The following ETS2 variants were observed in gnomAD, a reference collection of about 807,000 sequenced individuals.
ETS2 encodes ETS proto-oncogene 2, transcription factor.
A neutral mutation model predicts 54.9 loss-of-function variants in ETS2; 19 were observed. That is an observed-to-expected ratio of 0.35 (90% CI 0.24 to 0.51). The LOEUF is 0.51. Ranked by LOEUF, ETS2 falls within the 20% of genes least tolerant of loss-of-function variation. ETS2 has a pLI of 0.97. For missense variants in ETS2, 417 were observed against 593.0 expected, an observed-to-expected ratio of 0.70 and a Z score of 3.08; for synonymous variants, 219 against 229.3, an observed-to-expected ratio of 0.95 and a Z score of 0.41.
intron 5 of ETS2, among the ~76,000 whole-genome samples, chr21:38,815,725 G>T (rs1234457741): frequency 6.6e-6 from 1 of 151,366 alleles, no homozygotes; most frequent in Non-Finnish European, 1.5e-5. Context: ...GAGGTTAGGA[G>T]TTCAAGACCA....
Position 38,806,981 on chromosome 21 carries a change from C to T in ETS2, c.-1+861C>T, listed in dbSNP as rs8132038. ...AGAAATGAGCAGTCCCCTTTGGAGA[C>T]AGGAGTAATTTATTTTAATTCGCCA... On this transcript the variant is annotated intron_variant, in intron 1 of 9. Coordinates refer to ENST00000360938, the MANE Select transcript of ETS2 (RefSeq NM_005239.6). This position sits in a 1 kb window ranked among gnomAD's most constrained non-coding sequence, Gnocchi z 4.3. 6.6e-6 allele frequency among the ~76,000 whole-genome samples: 1 copy of T among 152,156 alleles called. No individual in the cohort carries two copies. The highest frequency in any genetic ancestry group is 1.5e-5 in the Non-Finnish European group (1 of 68,034).
At position 38,814,418 on chromosome 21, in the gene ETS2, A is replaced by C. The variant is rs1169632075; in HGVS notation, c.304+26A>C. ...GTAAGTACTGCTTTCCTGAGCCTGC[A>C]CTGGGTGAGAAGAACCAACTTCAGT... On this transcript the variant is annotated intron_variant, in intron 4 of 9. Coordinates refer to ENST00000360938, the MANE Select transcript of ETS2 (RefSeq NM_005239.6). The surrounding 1 kb of genome is among the most constrained non-coding windows in gnomAD (Gnocchi z 4.2). 1.2e-6 allele frequency: 2 copies of C among 1,612,692 alleles called. No homozygotes were observed. Among genetic ancestry groups the C allele is most frequent in the South Asian group, 1.1e-5 (1 of 90,892 alleles).
Position 38,822,962 on chromosome 21 carries a change from C to A in ETS2, c.*73C>A. On this transcript the variant is annotated 3_prime_UTR_variant, in exon 10 of 10. Coordinates refer to ENST00000360938, the MANE Select transcript of ETS2 (RefSeq NM_005239.6). ...GGAAGCCCATCCTGACCAGCTGCTC[C>A]GAGGACCCAGGAAAGGCAGGATTGA... 8.2e-7 allele frequency: 1 copy of A among 1,212,544 alleles called. No individual in the cohort carries two copies. Among genetic ancestry groups the A allele is most frequent in the Non-Finnish European group, 1.1e-6 (1 of 895,464 alleles). 75.1% of individuals were successfully genotyped at this position (1,212,544 alleles called of 1,614,324 possible).
chr21:38,812,114 A>G, intron 2 of ETS2, among the ~76,000 whole-genome samples: 1 of 152,252 alleles, frequency 6.6e-6, no homozygotes, highest in Non-Finnish European at 1.5e-5. Context: ...AAACCATTGG[A>G]ATTGATGTGG....
intron 3 of ETS2, among the ~76,000 whole-genome samples, chr21:38,813,683 C>CA (rs2060922068): frequency 6.6e-6 from 1 of 152,308 alleles, no homozygotes; most frequent in East Asian, 1.9e-4. Context: ...ATGACTGTGT[C>CA]ATGTGAAGTA....
chr21:38,805,571 A>C (rs1464827216), upstream of ETS2: 5 of 1,279,320 alleles, frequency 3.9e-6, 1 homozygote, highest in Non-Finnish European at 4.1e-6. The surrounding 1 kb of genome is among the most constrained non-coding windows in gnomAD (Gnocchi z 5.2). Context: ...CCTCAGGGCC[A>C]GCCGGCGAGG....
At chr21:38,817,197 C>T (rs1296406764) in intron 6 of ETS2, 106 bp downstream of exon 6, 3 of 696,422 alleles carry the variant, frequency 4.3e-6, no homozygotes, top group Non-Finnish European at 7.5e-6. Flanking sequence ...ACCTGTGTGT[C>T]TCTTATGGTG....
chr21:38,816,784 T>C (rs2060937156), intron 5 of ETS2, among the ~76,000 whole-genome samples: 1 of 152,236 alleles, frequency 6.6e-6, no homozygotes, highest in Non-Finnish European at 1.5e-5. Context: ...AATGACATCA[T>C]TCATTTTGGA....
chr21:38,807,417 C>CTTTTTTTTTTTTTTTTTTTTTTTTCCTT (rs369913456), intron 1 of ETS2, among the ~76,000 whole-genome samples: 1 of 133,366 alleles, frequency 7.5e-6, no homozygotes, highest in Non-Finnish European at 1.6e-5. Context: ...GCTCTTTATC[C>CTTTTTTTTTTTTTTTTTTTTTTTTCCTT]TTTTTTTTTT....
At chr21:38,805,815 C>T (rs562904252), upstream of ETS2, 3,224 of 918,432 alleles carry the variant, frequency 3.5e-3, 14 homozygotes, top group Non-Finnish European at 3.7e-3. The surrounding 1 kb of genome is among the most constrained non-coding windows in gnomAD (Gnocchi z 5.2). Flanking sequence ...CCTCCCCTCT[C>T]TCTTCTCTCC....
Position 38,818,519 on chromosome 21 carries a change from C to T in ETS2, c.684C>T (p.Ser228=), listed in dbSNP as rs115786160. The T allele has an allele frequency of 0.028, 45,385 of 1,614,162 alleles. 835 individuals carry two copies. The highest frequency in any genetic ancestry group is 0.05 in the South Asian group (4,582 of 91,076). ...LDSMCPASTP[S]VLSSEQEFQM... The stretch of plus-strand genomic sequence containing the variant: ...GCATGTGTCCGGCCTCCACACCCAG[C>T]GTACTCAGCTCTGAGCAGGAGTTTC... The change falls in exon 7 of 10, where the codon AGC becomes AGT. Residue 228 remains serine (S), a synonymous_variant. Coordinates refer to ENST00000360938, the MANE Select transcript of ETS2 (RefSeq NM_005239.6).
intron 3 of ETS2, among the ~76,000 whole-genome samples, chr21:38,813,557 C>T (rs1601427013): frequency 6.6e-6 from 1 of 152,188 alleles, no homozygotes; most frequent in East Asian, 1.9e-4. Flanking sequence ...CCTTACCCAT[C>T]GGTAGTTCTT....
chr21:38,808,435 C>CCTCT (rs1352588681), intron 1 of ETS2, among the ~76,000 whole-genome samples: 1 of 152,116 alleles, frequency 6.6e-6, no homozygotes, highest in Non-Finnish European at 1.5e-5. Flanking sequence ...GACTGCTGCC[C>CCTCT]CTCTCTGTCC....
chr21:38,811,248 G>C (rs1479328015), intron 2 of ETS2, among the ~76,000 whole-genome samples: 1 of 152,002 alleles, frequency 6.6e-6, no homozygotes, highest in South Asian at 2.1e-4. Context: ...GGCAATGCTT[G>C]TGGGAACTTT....
chr21:38,805,779 C>T, upstream of ETS2: 1 of 812,548 alleles, frequency 1.2e-6, no homozygotes, highest in Non-Finnish European at 1.6e-6. The surrounding 1 kb of genome is among the most constrained non-coding windows in gnomAD (Gnocchi z 5.2). Context: ...ACCTCCCTTC[C>T]CCTCCTCTTC....
rs560828804 is a variant in ETS2 at position 38,808,082 on chromosome 21, AGAGGACTGTGTGGAG to A, written c.1-1950_1-1936del. The stretch of plus-strand genomic sequence containing the variant: ...CTCATCATTCATGTTCTCCCGGCAC[AGAGGACTGTGTGGAG>A]GACTCAGGATTTAGGACCATACTCA... On this transcript the variant is annotated intron_variant, in intron 1 of 9. Coordinates refer to ENST00000360938, the MANE Select transcript of ETS2 (RefSeq NM_005239.6). Among the ~76,000 whole-genome samples the A allele has an allele frequency of 7.0e-3, 1,061 of 152,294 alleles. 11 individuals are homozygous for A. Among genetic ancestry groups the A allele is most frequent in the African/African-American group, 0.024 (1,015 of 41,548 alleles).
At position 38,810,015 on chromosome 21, in the gene ETS2, T is replaced by A. The variant is rs2060907800; in HGVS notation, c.1-20T>A. 1 of 1,527,352 alleles carries A rather than the reference T, an allele frequency of 6.5e-7. No individual in the cohort carries two copies. Among genetic ancestry groups the A allele is most frequent in the Non-Finnish European group, 8.8e-7 (1 of 1,133,914 alleles). 94.6% of individuals were successfully genotyped at this position (1,527,352 alleles called of 1,614,324 possible). A position where few individuals can be genotyped will look rare whatever the true frequency, so the allele number is the denominator to read the frequency against. On this transcript the variant is annotated intron_variant, in intron 1 of 9. Transcript: ENST00000360938. ...TACTTAATCTTTTGCCTCTTTGACT[T>A]TTTTTTTTTCTTTTTTAAGATGAAT...
chr21:38,818,575 T>C lies in ETS2; in HGVS notation c.740T>C (p.Val247Ala), dbSNP rs2060944771. The change falls in exon 7 of 10, where the codon GTC (valine) becomes GCC (alanine). Residue 247 changes from valine to alanine, a missense_variant. Around this residue, in one of 3 missense-constraint regions of ETS2, gnomAD observed 326 missense variants for 426.1 expected, o/e 0.76. Transcript: ENST00000360938. ...QMFPKSRLSS[V>A]SVTYCSVSQD... ...TTCCCCAAGTCTCGGCTCAGCTCCG[T>C]CAGCGTCACCTACTGCTCTGTCAGT... 1 of 1,614,054 alleles carries C rather than the reference T, an allele frequency of 6.2e-7. No homozygotes were observed. Among genetic ancestry groups the C allele is most frequent in the Admixed American group, 1.7e-5 (1 of 60,002 alleles).
At chr21:38,805,257 C>T, upstream of ETS2, 3 of 1,045,226 alleles carry the variant, frequency 2.9e-6, no homozygotes, top group South Asian at 1.6e-5. This position sits in a 1 kb window ranked among gnomAD's most constrained non-coding sequence, Gnocchi z 5.2. Context: ...GGGGACACAG[C>T]CAGGGCCCGG....
Sources: gnomAD v4.1 joint callset for allele counts (sites outside exome capture counted in the v4.1 genomes callset) on GRCh38, gnomAD v4.1.1 for gene constraint, gnomAD v4.1.1 regional missense constraint, Gnocchi (gnomAD v3.1) non-coding constraint, MANE v1.5 for transcripts, NCBI Gene and HGNC (gene_info 2026-07-23, HGNC 2026-07-21) for gene names.